INPP4B: variants seen among roughly 807,000 people sequenced by gnomAD.
INPP4B encodes inositol polyphosphate-4-phosphatase type II B.
Under a neutral mutation model 122.5 loss-of-function variants are expected in INPP4B, and 55 were observed. The ratio of observed to expected loss-of-function variants is 0.45; its 90% CI spans 0.36 to 0.56. INPP4B has a LOEUF of 0.56. Among genes scored for constraint, INPP4B ranks in the 20% least tolerant of loss-of-function variants. INPP4B has a pLI of 0.00. For missense variants in INPP4B, 1,000 were observed against 1,097.7 expected, an observed-to-expected ratio of 0.91 and a Z score of 1.26; for synonymous variants, 403 against 388.7, an observed-to-expected ratio of 1.04 and a Z score of -0.43.
chr4:142,280,210 T>C (rs899580677), intron 9 of INPP4B, among the ~76,000 whole-genome samples: 2 of 151,790 alleles, frequency 1.3e-5, no homozygotes, highest in African/African-American at 4.8e-5. Flanking sequence ...CCTAGAGAAA[T>C]GAAAACTTAG....
intron 2 of INPP4B, among the ~76,000 whole-genome samples, chr4:142,717,587 G>T (rs1763948477): frequency 6.6e-6 from 1 of 152,110 alleles, no homozygotes; most frequent in Admixed American, 6.5e-5. Context: ...CTTGTCCTTT[G>T]CAGGGACATG....
chr4:142,132,861 A>G (rs1273148116), intron 18 of INPP4B, among the ~76,000 whole-genome samples: 1 of 152,112 alleles, frequency 6.6e-6, no homozygotes, highest in Non-Finnish European at 1.5e-5. Flanking sequence ...TCCTTTCACA[A>G]TGAAAGTTCT....
intron 2 of INPP4B, among the ~76,000 whole-genome samples, chr4:142,712,714 C>A (rs1182495286): frequency 2.0e-5 from 3 of 152,186 alleles, no homozygotes; most frequent in African/African-American, 4.8e-5. Context: ...TGTCAACTAA[C>A]CCACTAAGAT....
At chr4:142,084,947 A>G (rs1247600319) in intron 24 of INPP4B, among the ~76,000 whole-genome samples, 1 of 152,182 alleles carries the variant, frequency 6.6e-6, no homozygotes, top group East Asian at 1.9e-4. Context: ...ATGACCTACC[A>G]TTGTGAAATT....
intron 2 of INPP4B, among the ~76,000 whole-genome samples, chr4:142,486,664 CAT>C (rs1386789427): frequency 6.6e-6 from 1 of 152,014 alleles, no homozygotes; most frequent in African/African-American, 2.4e-5. Context: ...CTTTTTAAGT[CAT>C]ATGTTAGAAA....
intron 2 of INPP4B, among the ~76,000 whole-genome samples, chr4:142,539,562 A>G (rs906688647): frequency 6.6e-6 from 1 of 151,882 alleles, no homozygotes; most frequent in South Asian, 2.1e-4. Context: ...ATTATTTCTT[A>G]TACTGAATCT....
intron 1 of INPP4B, among the ~76,000 whole-genome samples, chr4:142,842,352 A>T (rs1016558655): frequency 3.3e-5 from 5 of 151,154 alleles, no homozygotes; most frequent in Non-Finnish European, 7.4e-5. Context: ...GACATCTATT[A>T]TAATAGCTAA....
intron 9 of INPP4B, among the ~76,000 whole-genome samples, chr4:142,301,087 A>C (rs991405689): frequency 9.2e-5 from 14 of 152,166 alleles, no homozygotes; most frequent in Non-Finnish European, 2.1e-4. Flanking sequence ...TCAGCTTTTA[A>C]AACAGATTAC....
Position 142,803,065 on chromosome 4 carries a change from C to T in INPP4B, c.-254+43144G>A, listed in dbSNP as rs565157769. Among the ~76,000 whole-genome samples, 46 of 150,306 alleles carry T rather than the reference C, an allele frequency of 3.1e-4. No individual in the cohort carries two copies. The South Asian group carries it at 6.7e-3, about 22-fold the overall frequency. ...AGTACCTGTAATCCCAGCTACAGGG[C>T]GGGAGCTGAGGCAGGAGAATCGCTT... is the stretch of plus-strand genomic sequence containing the variant. On this transcript the variant is annotated intron_variant, in intron 1 of 25. Coordinates refer to ENST00000262992, the MANE Select transcript of INPP4B (RefSeq NM_001101669.3).
At chr4:142,641,003 A>T (rs563301834) in intron 2 of INPP4B, among the ~76,000 whole-genome samples, 1 of 152,296 alleles carries the variant, frequency 6.6e-6, no homozygotes, top group African/African-American at 2.4e-5. Flanking sequence ...ATCATTTTGG[A>T]AAACTGTTTG....
chr4:142,816,182 T>C lies in INPP4B; in HGVS notation c.-254+30027A>G, dbSNP rs148335799. Among the ~76,000 whole-genome samples, 75 of 152,268 alleles carry C rather than the reference T, an allele frequency of 4.9e-4. 2 individuals carry two copies. Among genetic ancestry groups the C allele is most frequent in the African/African-American group, 1.6e-3 (65 of 41,570 alleles). On this transcript the variant is annotated intron_variant, in intron 1 of 25. Coordinates refer to ENST00000262992, the MANE Select transcript of INPP4B (RefSeq NM_001101669.3). The stretch of plus-strand genomic sequence containing the variant: ...GTACCCAAGATTGAGCCTTTAGGAA[T>C]AGATATCTTATTGAAGGGATGTATT...
chr4:142,099,319 AT>A (rs1783462409), intron 23 of INPP4B, among the ~76,000 whole-genome samples: 1 of 152,178 alleles, frequency 6.6e-6, no homozygotes, highest in Non-Finnish European at 1.5e-5. Context: ...TGTCTATGCA[AT>A]GACAAATATG....
intron 7 of INPP4B, among the ~76,000 whole-genome samples, chr4:142,397,886 T>C (rs1307690511): frequency 6.6e-6 from 1 of 151,464 alleles, no homozygotes; most frequent in African/African-American, 2.4e-5. Flanking sequence ...AAACTATCAA[T>C]TGAAATAAAA....
chr4:142,415,595 C>T (rs911758126), intron 5 of INPP4B, among the ~76,000 whole-genome samples: 10 of 151,854 alleles, frequency 6.6e-5, no homozygotes, highest in Admixed American at 3.9e-4. Flanking sequence ...GTCAGTGTGG[C>T]GATTCCTCAG....
intron 1 of INPP4B, among the ~76,000 whole-genome samples, chr4:142,750,590 A>G (rs1769538346): frequency 6.6e-6 from 1 of 152,152 alleles, no homozygotes; most frequent in South Asian, 2.1e-4. Context: ...AGAAAGTGGC[A>G]CATAAGCTGG....
At chr4:142,091,503 T>A (rs1779518001) in intron 23 of INPP4B, among the ~76,000 whole-genome samples, 1 of 151,730 alleles carries the variant, frequency 6.6e-6, no homozygotes, top group Non-Finnish European at 1.5e-5. Context: ...TAAAAAAGAG[T>A]TCACAGCCTC....
chr4:142,052,202 A>G (rs1400273424), intron 25 of INPP4B, among the ~76,000 whole-genome samples: 1 of 152,036 alleles, frequency 6.6e-6, no homozygotes, highest in African/African-American at 2.4e-5. Flanking sequence ...AAATATTTAT[A>G]CCTTTAATAA....
At chr4:142,291,707 G>C (rs1357166258) in intron 9 of INPP4B, among the ~76,000 whole-genome samples, 1 of 152,018 alleles carries the variant, frequency 6.6e-6, no homozygotes, top group Admixed American at 6.6e-5. Flanking sequence ...TCTCTCTATA[G>C]GGAAGGCATT....
chr4:142,132,876 A>T (rs949216152), intron 18 of INPP4B, among the ~76,000 whole-genome samples: 1 of 152,144 alleles, frequency 6.6e-6, no homozygotes, highest in African/African-American at 2.4e-5. Flanking sequence ...AGTTCTCAAA[A>T]GAGTTGTCTA....
Sources: allele counts gnomAD v4.1 joint callset (sites outside exome capture counted in the v4.1 genomes callset), GRCh38; gene constraint gnomAD v4.1.1; transcripts MANE v1.5; gene names NCBI Gene and HGNC (gene_info 2026-07-23, HGNC 2026-07-21).